Variants in CADM2 observed in about 807,000 individuals in gnomAD.
CADM2 encodes the protein cell adhesion molecule 2, also known as immunoglobulin superfamily member 4D.
In CADM2, 12 loss-of-function variants were observed where a neutral mutation model predicts 49.8. The observed-to-expected ratio is 0.24, with a 90% CI of 0.15 to 0.39. CADM2 has a LOEUF of 0.39. Among genes scored for constraint, CADM2 ranks in the 10% least tolerant of loss-of-function variants. The probability of loss-of-function intolerance (pLI) is 1.00; values close to 1 mark genes in which losing one functional copy is unlikely to be tolerated. For missense variants in CADM2, 378 were observed against 492.3 expected (o/e 0.77, Z 2.20); for synonymous variants, 214 against 175.4 (o/e 1.22, Z -1.74).
chr3:85,980,354 A>G (rs1727328183), intron 8 of CADM2, among the ~76,000 whole-genome samples: 1 of 151,434 alleles, frequency 6.6e-6, no homozygotes, highest in Admixed American at 6.6e-5. Flanking sequence ...TATTAAGTTG[A>G]TTTGCCGTCT....
intron 1 of CADM2, among the ~76,000 whole-genome samples, chr3:85,692,401 T>G (rs1271194121): frequency 6.6e-6 from 1 of 152,184 alleles, no homozygotes; most frequent in Non-Finnish European, 1.5e-5. Flanking sequence ...TTATGGAATC[T>G]TGTTTTTATA....
At chr3:85,913,982 A>G (rs773706997) in intron 6 of CADM2, among the ~76,000 whole-genome samples, 17 of 152,160 alleles carry the variant, frequency 1.1e-4, no homozygotes, top group South Asian at 4.1e-4. Flanking sequence ...GGAGAAAAAT[A>G]CAGAGTGTTG....
chr3:85,342,568 C>T (rs2029997234), intron 1 of CADM2, among the ~76,000 whole-genome samples: 1 of 151,984 alleles, frequency 6.6e-6, no homozygotes, highest in Non-Finnish European at 1.5e-5. Context: ...AGTCCTTGTT[C>T]TTCATAAAGT....
intron 1 of CADM2, among the ~76,000 whole-genome samples, chr3:85,430,207 A>G (rs2036596876): frequency 1.3e-5 from 2 of 152,182 alleles, no homozygotes; most frequent in Admixed American, 6.5e-5. Context: ...GTACTTCAGA[A>G]AGACTAGGGT....
At chr3:85,765,659 C>A (rs2069619586) in intron 2 of CADM2, among the ~76,000 whole-genome samples, 1 of 151,946 alleles carries the variant, frequency 6.6e-6, no homozygotes, top group African/African-American at 2.4e-5. Context: ...AATTTCCTTG[C>A]ATTTCTTTTT....
intron 1 of CADM2, among the ~76,000 whole-genome samples, chr3:85,606,850 T>C (rs2063552826): frequency 6.6e-6 from 1 of 152,112 alleles, no homozygotes; most frequent in South Asian, 2.1e-4. Context: ...CTACAAAGAT[T>C]GGATCTGCAT....
At chr3:85,928,963 A>G (rs1050235731) in intron 6 of CADM2, among the ~76,000 whole-genome samples, 9 of 152,136 alleles carry the variant, frequency 5.9e-5, no homozygotes, top group Non-Finnish European at 5.9e-5. Flanking sequence ...TGAAAGGACC[A>G]ATTTTTTAAA....
intron 1 of CADM2, among the ~76,000 whole-genome samples, chr3:85,416,853 G>T (rs568963792): frequency 6.6e-6 from 1 of 152,186 alleles, no homozygotes; most frequent in Admixed American, 6.5e-5. Context: ...AATTGTATCA[G>T]GGAAAAGTCC....
intron 1 of CADM2, among the ~76,000 whole-genome samples, chr3:85,657,074 C>T (rs1425902486): frequency 6.6e-6 from 1 of 152,126 alleles, no homozygotes; most frequent in Non-Finnish European, 1.5e-5. Context: ...CACTTTCTCC[C>T]CACTTAGATT....
intron 1 of CADM2, among the ~76,000 whole-genome samples, chr3:85,278,949 C>T (rs553649731): frequency 1.3e-5 from 2 of 151,350 alleles, no homozygotes; most frequent in South Asian, 4.2e-4. Context: ...GACTTTTCCA[C>T]AATTAAAAAA....
chr3:85,270,313 C>G (rs2043211354), intron 1 of CADM2, among the ~76,000 whole-genome samples: 1 of 151,270 alleles, frequency 6.6e-6, no homozygotes, highest in African/African-American at 2.4e-5. Flanking sequence ...AGTTAATTCT[C>G]TAAGGTCTGG....
At chr3:85,403,465 G>A (rs1232515926) in intron 1 of CADM2, among the ~76,000 whole-genome samples, 1 of 151,970 alleles carries the variant, frequency 6.6e-6, no homozygotes, top group Non-Finnish European at 1.5e-5. Context: ...ACATGTTTAT[G>A]GAAAACAAAC....
chr3:85,308,596 A>AT (rs1218883767), intron 1 of CADM2, among the ~76,000 whole-genome samples: 2 of 151,916 alleles, frequency 1.3e-5, no homozygotes, highest in Non-Finnish European at 2.9e-5. Context: ...GGATACCAGG[A>AT]TTTTAATTAT....
chr3:85,470,340 G>C (rs1044722377), intron 1 of CADM2, among the ~76,000 whole-genome samples: 2 of 152,104 alleles, frequency 1.3e-5, no homozygotes, highest in African/African-American at 4.8e-5. Flanking sequence ...TGGGAATACA[G>C]GTAAAAAGAC....
intron 8 of CADM2, among the ~76,000 whole-genome samples, chr3:86,039,083 G>A (rs543053751): frequency 2.5e-4 from 38 of 152,216 alleles, no homozygotes; most frequent in Non-Finnish European, 4.4e-4. Context: ...GTAAACAGAG[G>A]GGGTGGAGCC....
chr3:85,422,735 A>C (rs543337630), intron 1 of CADM2, among the ~76,000 whole-genome samples: 58 of 152,232 alleles, frequency 3.8e-4, no homozygotes, highest in Non-Finnish European at 7.5e-4. Context: ...TGAGATGGGC[A>C]ACTGGGGTGT....
intron 1 of CADM2, among the ~76,000 whole-genome samples, chr3:85,161,868 T>C (rs550220935): frequency 2.8e-4 from 43 of 151,962 alleles, no homozygotes; most frequent in African/African-American, 8.4e-4. Context: ...GAAACAAAAA[T>C]TAGCCGGGTA....
chr3:85,317,798 A>G (rs1030152547), intron 1 of CADM2, among the ~76,000 whole-genome samples: 1 of 152,220 alleles, frequency 6.6e-6, no homozygotes, highest in Non-Finnish European at 1.5e-5. Flanking sequence ...GTACATATTC[A>G]TGCTATAGCA....
intron 1 of CADM2, among the ~76,000 whole-genome samples, chr3:85,199,370 T>TGTGTGTGTGAGAGAGAGAGAGAGAGAGA (rs1553694531): frequency 5.0e-5 from 7 of 140,168 alleles, no homozygotes; most frequent in African/African-American, 8.5e-5. Flanking sequence ...TGTGTGTGTA[T>TGTGTGTGTGAGAGAGAGAGAGAGAGAGA]GAGAGAGAGA....
Sources: allele counts gnomAD v4.1 joint callset (sites outside exome capture counted in the v4.1 genomes callset), GRCh38; gene constraint gnomAD v4.1.1; transcripts MANE v1.5; gene names NCBI Gene and HGNC (gene_info 2026-07-23, HGNC 2026-07-21).